MMD: variants seen among roughly 807,000 people sequenced by gnomAD.
The protein encoded by MMD is monocyte to macrophage differentiation factor.
A neutral mutation model predicts 33.6 loss-of-function variants in MMD; 22 were observed. The ratio of observed to expected loss-of-function variants is 0.66; its 90% confidence interval spans 0.47 to 0.94. MMD has a LOEUF of 0.94. MMD is among the 40% of genes least tolerant of loss of function. The probability of loss-of-function intolerance (pLI) is 0.00; values close to 1 mark genes in which losing one functional copy is unlikely to be tolerated. For missense variants in MMD, 242 were observed against 309.8 expected, an observed-to-expected ratio of 0.78 and a Z score of 1.64; for synonymous variants, 97 against 103.2, an observed-to-expected ratio of 0.94 and a Z score of 0.36.
intron 6 of MMD, among the ~76,000 whole-genome samples, chr17:55,399,343 C>G (rs1251699289): frequency 1.3e-5 from 2 of 152,162 alleles, no homozygotes; most frequent in African/African-American, 4.8e-5. Flanking sequence ...ACCAAAGATT[C>G]GCATTTTCAT....
intron 6 of MMD, among the ~76,000 whole-genome samples, chr17:55,399,211 A>G (rs1222670416): frequency 1.3e-5 from 2 of 151,894 alleles, no homozygotes; most frequent in Non-Finnish European, 2.9e-5. Flanking sequence ...CTCTTCCTTC[A>G]AGGATCACAG....
chr17:55,407,887 C>T, intron 3 of MMD, 67 bp from the exon 4 acceptor site: 2 of 1,118,778 alleles, frequency 1.8e-6, no homozygotes, highest in Non-Finnish European at 2.5e-6. Flanking sequence ...GGTTATCACT[C>T]CACTATGTTG....
chr17:55,394,685 T>TA (rs911276063), intron 6 of MMD, 151 bp from the exon 7 acceptor site: 17 of 687,816 alleles, frequency 2.5e-5, no homozygotes, highest in South Asian at 7.1e-5. Flanking sequence ...GAACCAAACA[T>TA]AAAAAAAGTC....
At chr17:55,418,049 T>C (rs901324325) in intron 1 of MMD, among the ~76,000 whole-genome samples, 7 of 152,212 alleles carry the variant, frequency 4.6e-5, no homozygotes, top group Non-Finnish European at 1.0e-4. Context: ...CCTCTGGGCA[T>C]GTGTACTTGC....
chr17:55,421,784 C>T lies in MMD; in HGVS notation c.-89G>A. On this transcript the variant is annotated 5_prime_UTR_variant, in exon 1 of 7. Transcript: ENST00000262065. ...CGGCCCTCATGGGCTTGGGCTGCTCCGGAGGCCGCCTGCGTGTCCAGCGGA... is the reference window on the plus strand; with the variant it reads ...CGGCCCTCATGGGCTTGGGCTGCTCTGGAGGCCGCCTGCGTGTCCAGCGGA... 2 of 1,369,630 alleles carry T rather than the reference C, an allele frequency of 1.5e-6. No individual in the cohort carries two copies. Among genetic ancestry groups the T allele is most frequent in the Admixed American group, 2.7e-5 (1 of 36,726 alleles). The allele number at this position is 1,369,630 out of a possible 1,614,324, so 84.8% of individuals were successfully genotyped here. A position where few individuals can be genotyped will look rare whatever the true frequency, so the allele number is the denominator to read the frequency against.
intron 1 of MMD, among the ~76,000 whole-genome samples, chr17:55,418,568 A>G (rs1037135419): frequency 1.3e-5 from 2 of 152,338 alleles, no homozygotes; most frequent in Middle Eastern, 3.4e-3. Context: ...CCCCTTCAAC[A>G]TCATTTATGT....
At chr17:55,402,595 A>G (rs1438266213) in intron 5 of MMD, among the ~76,000 whole-genome samples, 1 of 152,232 alleles carries the variant, frequency 6.6e-6, no homozygotes, top group Non-Finnish European at 1.5e-5. Flanking sequence ...TACCTCATTC[A>G]TCGTGTTTTA....
intron 5 of MMD, among the ~76,000 whole-genome samples, chr17:55,401,974 CAGG>C (rs1301247082): frequency 6.8e-6 from 1 of 147,266 alleles, no homozygotes; most frequent in Non-Finnish European, 1.5e-5. Flanking sequence ...GGAGATGAGG[CAGG>C]AGAATGGCGT....
chr17:55,396,723 T>G (rs1907114609), intron 6 of MMD, among the ~76,000 whole-genome samples: 1 of 152,038 alleles, frequency 6.6e-6, no homozygotes, highest in African/African-American at 2.4e-5. Flanking sequence ...TCAAGTGGAT[T>G]CTCCTGCCTC....
chr17:55,413,664 T>C (rs955078836), intron 2 of MMD, among the ~76,000 whole-genome samples: 38 of 152,142 alleles, frequency 2.5e-4, no homozygotes, highest in Non-Finnish European at 4.4e-4. Context: ...TTCACCAATA[T>C]GGAATAACAT....
chr17:55,394,655 C>T, intron 6 of MMD, 121 bp from the exon 7 acceptor site: 1 of 810,894 alleles, frequency 1.2e-6, no homozygotes, highest in Non-Finnish European at 1.7e-6. Context: ...TGTGTGAACA[C>T]AATCCTGATC....
chr17:55,398,111 C>CAAAAAAAAAA (rs57881926), intron 6 of MMD, among the ~76,000 whole-genome samples: 3 of 132,162 alleles, frequency 2.3e-5, no homozygotes, highest in African/African-American at 8.4e-5. Flanking sequence ...ATTATTTCTT[C>CAAAAAAAAAA]AAAAAAAAAA....
intron 5 of MMD, 32 bp downstream of exon 5, chr17:55,403,735 A>C: frequency 6.5e-7 from 1 of 1,539,866 alleles, no homozygotes; most frequent in Non-Finnish European, 8.9e-7. Context: ...AGTCAATTTT[A>C]AAACTATCAA....
intron 6 of MMD, among the ~76,000 whole-genome samples, chr17:55,398,828 G>A (rs947379885): frequency 6.6e-6 from 1 of 152,180 alleles, no homozygotes; most frequent in Non-Finnish European, 1.5e-5. Context: ...CACCATCTCT[G>A]AACTCTGCTT....
rs1454816849 is a variant in MMD, at chr17:55,421,522, G to A, written c.26+148C>T. ...GGATCGCCCAGGGACAGCAGGGTGG[G>A]GAATCCCCAGGGAACTGATCCCTGG... On this transcript the variant is annotated intron_variant, in intron 1 of 6. Coordinates refer to ENST00000262065, the MANE Select transcript of MMD (RefSeq NM_012329.3). 4 of 1,132,310 alleles carry A rather than the reference G, an allele frequency of 3.5e-6. No individual in the cohort carries two copies. The African/African-American group carries it at 6.5e-5, about 18-fold the overall frequency. The allele number at this position is 1,132,310 out of a possible 1,614,324, so 70.1% of individuals were successfully genotyped here. A position where few individuals can be genotyped will look rare whatever the true frequency, so the allele number is the denominator to read the frequency against.
chr17:55,409,498 GA>G (rs1409961100), intron 3 of MMD, among the ~76,000 whole-genome samples: 4 of 152,172 alleles, frequency 2.6e-5, no homozygotes, highest in African/African-American at 7.2e-5. Context: ...GTGGAAATAA[GA>G]TCTTTCTCAT....
chr17:55,411,104 C>G (rs888266204), intron 3 of MMD, among the ~76,000 whole-genome samples, 153 bp downstream of exon 3: 4 of 152,210 alleles, frequency 2.6e-5, no homozygotes, highest in Non-Finnish European at 5.9e-5. Context: ...GTCCAAAGAA[C>G]AAGTCCTGAA....
intron 3 of MMD, among the ~76,000 whole-genome samples, chr17:55,409,798 A>G (rs1385895509): frequency 3.3e-5 from 5 of 152,346 alleles, no homozygotes; most frequent in Non-Finnish European, 7.3e-5. Context: ...TCCAAAATCT[A>G]GACATCGAAG....
intron 1 of MMD, among the ~76,000 whole-genome samples, chr17:55,414,962 C>T (rs955091626): frequency 1.3e-5 from 2 of 152,172 alleles, no homozygotes; most frequent in Admixed American, 6.5e-5. Flanking sequence ...AATGTGTGTA[C>T]GTATCTAAAT....
Sources: gnomAD v4.1 joint callset for allele counts (sites outside exome capture counted in the v4.1 genomes callset) on GRCh38, gnomAD v4.1.1 for gene constraint, MANE v1.5 for transcripts, NCBI Gene and HGNC (gene_info 2026-07-23, HGNC 2026-07-21) for gene names.